SMYD3: variants seen among roughly 807,000 people sequenced by gnomAD.
SMYD3 encodes histone-lysine N-methyltransferase SMYD3.
In SMYD3, 36 loss-of-function variants were observed where a neutral mutation model predicts 57.7. That is an observed-to-expected ratio of 0.62 (90% CI 0.48 to 0.82). SMYD3 has a LOEUF of 0.82. Ranked by LOEUF, SMYD3 falls within the 40% of genes least tolerant of loss-of-function variation. SMYD3 has a pLI of 0.00. For missense variants in SMYD3, 515 were observed against 538.8 expected (o/e 0.96, Z 0.44); for synonymous variants, 211 against 195.0 (o/e 1.08, Z -0.68).
chr1:246,104,576 C>T (rs953080964), intron 5 of SMYD3, among the ~76,000 whole-genome samples: 3 of 152,038 alleles, frequency 2.0e-5, no homozygotes, highest in Non-Finnish European at 2.9e-5. Context: ...ACACATGGGG[C>T]AAGAGCTGCA....
chr1:246,462,328 G>A (rs1320973312), intron 1 of SMYD3, among the ~76,000 whole-genome samples: 6 of 151,614 alleles, frequency 4.0e-5, no homozygotes, highest in Admixed American at 6.6e-5. Flanking sequence ...GAATTCTCCC[G>A]TGGATGCTGC....
intron 10 of SMYD3, among the ~76,000 whole-genome samples, chr1:245,769,448 C>T (rs1010148078): frequency 4.6e-5 from 7 of 152,222 alleles, no homozygotes; most frequent in Non-Finnish European, 1.0e-4. Flanking sequence ...GAGCAGTCAG[C>T]TGAATCTGGG....
At chr1:245,897,946 A>T (rs1245131896) in intron 8 of SMYD3, among the ~76,000 whole-genome samples, 1 of 152,110 alleles carries the variant, frequency 6.6e-6, no homozygotes, top group Non-Finnish European at 1.5e-5. Context: ...AATATTATAG[A>T]AATCAGTGAT....
intron 5 of SMYD3, among the ~76,000 whole-genome samples, chr1:245,956,763 C>G (rs1179882774): frequency 1.3e-5 from 2 of 152,170 alleles, no homozygotes; most frequent in African/African-American, 4.8e-5. Context: ...TCTTGATTTC[C>G]TTCCTTGCCT....
At chr1:245,867,643 C>A (rs2051931478) in intron 8 of SMYD3, among the ~76,000 whole-genome samples, 1 of 78,864 alleles carries the variant, frequency 1.3e-5, no homozygotes, top group Non-Finnish European at 3.7e-5. Context: ...AAGATATGTG[C>A]ATGCGCGTGC....
chr1:245,835,831 A>G (rs2050078682), intron 10 of SMYD3, among the ~76,000 whole-genome samples: 1 of 152,210 alleles, frequency 6.6e-6, no homozygotes. Flanking sequence ...CAGGAGGCCA[A>G]GGTGTTTGAT....
At chr1:246,054,933 T>TG in intron 5 of SMYD3, among the ~76,000 whole-genome samples, 1 of 147,400 alleles carries the variant, frequency 6.8e-6, no homozygotes, top group Non-Finnish European at 1.5e-5. Context: ...CCCAGCACTT[T>TG]GGGAGGCCGA....
intron 1 of SMYD3, among the ~76,000 whole-genome samples, chr1:246,362,995 G>A (rs945409689): frequency 1.3e-5 from 2 of 151,522 alleles, no homozygotes; most frequent in Non-Finnish European, 2.9e-5. Context: ...CTGCCCAGCC[G>A]CCATCCCATC....
intron 5 of SMYD3, among the ~76,000 whole-genome samples, chr1:246,253,780 C>T (rs1232691443): frequency 3.9e-5 from 6 of 152,122 alleles, no homozygotes; most frequent in Admixed American, 1.3e-4. Flanking sequence ...TGCATAGAAA[C>T]GCTATTGATT....
intron 5 of SMYD3, among the ~76,000 whole-genome samples, chr1:245,987,622 T>C (rs188333136): frequency 3.2e-4 from 48 of 152,366 alleles, no homozygotes; most frequent in Admixed American, 2.5e-3. Context: ...AAATTGATTA[T>C]TCCCACTTTA....
At chr1:245,892,654 A>G (rs2148586927) in intron 8 of SMYD3, among the ~76,000 whole-genome samples, 1 of 152,356 alleles carries the variant, frequency 6.6e-6, no homozygotes, top group South Asian at 2.1e-4. Context: ...TAAATAAGAT[A>G]TTGACTCAGC....
intron 5 of SMYD3, among the ~76,000 whole-genome samples, chr1:246,215,252 AT>A (rs2063147770): frequency 6.6e-6 from 1 of 152,186 alleles, no homozygotes; most frequent in African/African-American, 2.4e-5. Flanking sequence ...TGGTCTATGT[AT>A]ATTGTCATGG....
intron 5 of SMYD3, among the ~76,000 whole-genome samples, chr1:246,215,698 C>A (rs766525598): frequency 6.6e-6 from 1 of 152,080 alleles, no homozygotes; most frequent in African/African-American, 2.4e-5. Flanking sequence ...AAGGGGCCAG[C>A]GGAACTCAAC....
intron 5 of SMYD3, among the ~76,000 whole-genome samples, chr1:246,103,731 C>A (rs1254738550): frequency 6.6e-6 from 1 of 152,134 alleles, no homozygotes; most frequent in Non-Finnish European, 1.5e-5. Flanking sequence ...AGAAAAAGCT[C>A]AAAATTATTA....
chr1:246,043,373 C>T (rs2059910648), intron 5 of SMYD3, among the ~76,000 whole-genome samples: 1 of 152,204 alleles, frequency 6.6e-6, no homozygotes, highest in African/African-American at 2.4e-5. Context: ...AATGCTTCAA[C>T]ACCCACTACA....
At chr1:246,157,996 T>G (rs10924524) in intron 5 of SMYD3, among the ~76,000 whole-genome samples, 1 of 152,226 alleles carries the variant, frequency 6.6e-6, no homozygotes, top group African/African-American at 2.4e-5. Context: ...CACAGCAGAT[T>G]GAATGGACAG....
chr1:246,012,815 A>G (rs143418967), intron 5 of SMYD3, among the ~76,000 whole-genome samples: 16 of 152,306 alleles, frequency 1.1e-4, no homozygotes, highest in African/African-American at 2.9e-4. Context: ...TGCCACACAT[A>G]CAAGAGAAAG....
At chr1:246,340,687 T>C (rs574272855) in intron 2 of SMYD3, among the ~76,000 whole-genome samples, 1 of 152,320 alleles carries the variant, frequency 6.6e-6, no homozygotes, top group African/African-American at 2.4e-5. Context: ...AATGTGCATA[T>C]TGTTGACACA....
At chr1:246,418,979 C>T (rs901308102) in intron 1 of SMYD3, among the ~76,000 whole-genome samples, 1 of 152,146 alleles carries the variant, frequency 6.6e-6, no homozygotes, top group Non-Finnish European at 1.5e-5. Flanking sequence ...GATTTGTTCC[C>T]TCCCCACCCT....
Sources: allele counts gnomAD v4.1 joint callset (sites outside exome capture counted in the v4.1 genomes callset), GRCh38; gene constraint gnomAD v4.1.1; transcripts MANE v1.5; gene names NCBI Gene and HGNC (gene_info 2026-07-23, HGNC 2026-07-21).